LONRF3: variants seen among roughly 807,000 people sequenced by gnomAD.
LONRF3 encodes LON peptidase N-terminal domain and ring finger 3, also known as LON peptidase N-terminal domain and RING finger protein 3.
A neutral mutation model predicts 51.7 loss-of-function variants in LONRF3; 19 were observed. The observed-to-expected ratio is 0.37, with a 90% CI of 0.26 to 0.54. LONRF3 has a LOEUF of 0.54. Among genes scored for constraint, LONRF3 ranks in the 20% least tolerant of loss-of-function variants. LONRF3 has a pLI of 0.86. For synonymous variants in LONRF3, 265 were observed against 257.8 expected (o/e 1.03, Z -0.27); for missense variants, 521 against 623.9 (o/e 0.84, Z 1.76).
intron 7 of LONRF3, 62 bp downstream of exon 7, chrX:119,009,309 C>T: frequency 9.5e-7 from 1 of 1,056,409 alleles, no homozygotes; most frequent in Non-Finnish European, 1.3e-6. Flanking sequence ...GCTGAATGTG[C>T]ACATTACTTC....
At chrX:118,998,319 G>A (rs1236812118) in intron 5 of LONRF3, among the ~76,000 whole-genome samples, 2 of 112,272 alleles carry the variant, frequency 1.8e-5, no homozygotes, top group Non-Finnish European at 3.8e-5. Context: ...GCAGTGACCT[G>A]GATGAGATTG....
At position 119,000,930 on chromosome X, in the gene LONRF3, C is replaced by G. The variant is rs1924274311; in HGVS notation, c.1416-5191C>G. Among the ~76,000 whole-genome samples, 4 of 108,704 alleles carry G rather than the reference C, an allele frequency of 3.7e-5. No individual in the cohort carries two copies. In the Admixed American group the frequency reaches 4.0e-4, roughly 11 times the overall value. The allele number at this position is 108,704 out of a possible 115,157, so 94.4% of individuals were successfully genotyped here. The stretch of plus-strand genomic sequence containing the variant: ...CTCTCCTCCTCCTTTCCTCTTTGCT[C>G]TCATTTGATAGCAAAAGAAAACAAT... On this transcript the variant is annotated intron_variant, in intron 5 of 10. Coordinates refer to ENST00000371628, the MANE Select transcript of LONRF3 (RefSeq NM_001031855.3).
At position 118,975,366 on chromosome X, in the gene LONRF3, G is replaced by C. The variant is rs765262000; in HGVS notation, c.586G>C (p.Gly196Arg). 6.6e-6 allele frequency: 8 copies of C among 1,207,799 alleles called. No individual in the cohort carries two copies. The African/African-American group carries it at 1.0e-4, about 16-fold the overall frequency. Residue 196 changes from glycine to arginine, a missense_variant, in exon 1 of 11, where the codon GGG becomes CGG. Transcript: ENST00000371628. ...CGCCGACCGGCGCTGTGCGCTGTGC[G>C]GGGTCAAGCTCTCCGCCTTGATGGT... Reference protein sequence around the residue: ...RAADRRCALCGVKLSALMVAT... With the variant: ...RAADRRCALCRVKLSALMVAT...
chrX:119,008,108 C>T (rs1158246614), intron 6 of LONRF3, among the ~76,000 whole-genome samples: 1 of 111,638 alleles, frequency 9.0e-6, no homozygotes, highest in Non-Finnish European at 1.9e-5. Context: ...GATAAGGCAT[C>T]CTGGAGACAG....
In LONRF3 at chrX:118,987,057, C is replaced by T. The variant is rs1012606180; in HGVS notation, c.1060-2351C>T. 6.1e-6 allele frequency: 7 copies of T among 1,151,385 alleles called. No individual in the cohort carries two copies. In the African/African-American group the frequency reaches 1.3e-4, roughly 21 times the overall value. 94.9% of individuals were successfully genotyped at this position (1,151,385 alleles called of 1,213,427 possible). On this transcript the variant is annotated intron_variant, in intron 3 of 10. Transcript: ENST00000371628. ...GTCAATGACTACTGAAGTTACCAGC[C>T]ATAATCTACCAAGGTTGTTACAGGT...
At chrX:119,004,889 ATTG>A (rs1924601093) in intron 5 of LONRF3, among the ~76,000 whole-genome samples, 1 of 112,612 alleles carries the variant, frequency 8.9e-6, no homozygotes, top group Non-Finnish European at 1.9e-5. Flanking sequence ...GTTGAGAATT[ATTG>A]TTGTAATAGA....
intron 3 of LONRF3, among the ~76,000 whole-genome samples, chrX:118,988,679 C>A (rs757272959): frequency 9.0e-6 from 1 of 111,185 alleles, no homozygotes; most frequent in South Asian, 3.9e-4. Context: ...CCATGTAAAT[C>A]TGCATAAACA....
At position 118,982,962 on chromosome X, in the gene LONRF3, AG is replaced by A. The variant is rs1446094750; in HGVS notation, c.1059+21del. On this transcript the variant is annotated intron_variant, in intron 3 of 10. Coordinates refer to ENST00000371628, the MANE Select transcript of LONRF3 (RefSeq NM_001031855.3). ...CCAAAGAGTGAGTTGAAATGACATC[AG>A]GTCCAGCTGCCTACTGGACCCTCCC... The A allele has an allele frequency of 8.3e-7, 1 of 1,201,522 alleles. No individual in the cohort carries two copies. The highest frequency in any genetic ancestry group is 3.0e-5 in the East Asian group (1 of 33,409).
At chrX:118,978,781 G>A (rs1922285621) in intron 2 of LONRF3, among the ~76,000 whole-genome samples, 1 of 110,852 alleles carries the variant, frequency 9.0e-6, no homozygotes, top group South Asian at 3.8e-4. Flanking sequence ...TTGTGGCCCT[G>A]GGCAAATGAC....
rs781084025 is a variant in LONRF3, at chrX:118,974,794, G to C, written c.14G>C (p.Arg5Pro). The change falls in exon 1 of 11, where the codon CGG (arginine) becomes CCG (proline). Residue 5 changes from arginine to proline, a missense_variant. By Grantham distance (103) the Arg-to-Pro change is moderately radical. Transcript: ENST00000371628. ...GTCCCTCTTCCCATGGAGTCAGTACGGATCGAACAGATGCTGAGCTTGCCC... is the reference window on the plus strand; with the variant it reads ...GTCCCTCTTCCCATGGAGTCAGTACCGATCGAACAGATGCTGAGCTTGCCC... MESV[R>P]IEQMLSLPAE... The C allele has an allele frequency of 8.3e-7, 1 of 1,206,972 alleles. No homozygotes were observed. The highest frequency in any genetic ancestry group is 1.1e-6 in the Non-Finnish European group (1 of 893,671).
Position 118,975,732 on chromosome X carries a change from G to C in LONRF3, c.817+135G>C. ...CGGGGGACCCATGGACTGTGGCGGG[G>C]TGGGGGAGGGGTGATTCTGGGGCTG... On this transcript the variant is annotated intron_variant, in intron 1 of 10. Transcript: ENST00000371628. 1.5e-5 allele frequency: 6 copies of C among 399,155 alleles called. No homozygotes were observed. The South Asian group carries it at 2.5e-4, about 17-fold the overall frequency. The allele number at this position is 399,155 out of a possible 1,213,427, so 32.9% of individuals were successfully genotyped here.
Position 118,978,328 on chromosome X carries a change from C to G in LONRF3, c.818-17C>G. 8.8e-7 allele frequency: 1 copy of G among 1,130,061 alleles called. No homozygotes were observed. The highest frequency in any genetic ancestry group is 1.2e-6 in the Non-Finnish European group (1 of 822,360). 93.1% of individuals were successfully genotyped at this position (1,130,061 alleles called of 1,213,427 possible). On this transcript the variant is annotated splice_polypyrimidine_tract_variant and intron_variant, in intron 1 of 10. Transcript: ENST00000371628. ...CTGGGGGCCATTAATAAAGGTTTTT[C>G]TTTCTTATTTTGACAGCTCCAAATG...
At chrX:119,010,098 A>T (rs755861911) in intron 7 of LONRF3, among the ~76,000 whole-genome samples, 2 of 111,843 alleles carry the variant, frequency 1.8e-5, no homozygotes, top group South Asian at 7.6e-4. Flanking sequence ...TGAAAATCAA[A>T]TGAGTTTGTG....
chrX:119,012,257 G>A (rs751586950), intron 8 of LONRF3, among the ~76,000 whole-genome samples: 1 of 108,775 alleles, frequency 9.2e-6, no homozygotes, highest in African/African-American at 3.3e-5. Flanking sequence ...TCATTATCTA[G>A]TTGCAGCCTT....
At chrX:118,991,396 A>G (rs1923419040) in intron 5 of LONRF3, among the ~76,000 whole-genome samples, 2 of 109,946 alleles carry the variant, frequency 1.8e-5, no homozygotes, top group South Asian at 7.8e-4. Flanking sequence ...ACCACAGACT[A>G]TTCTTGGGAA....
At chrX:119,002,407 C>A (rs1603253798) in intron 5 of LONRF3, among the ~76,000 whole-genome samples, 1 of 112,292 alleles carries the variant, frequency 8.9e-6, no homozygotes, top group East Asian at 2.8e-4. Context: ...AATCTGGCTT[C>A]TTTTACTCAG....
intron 8 of LONRF3, 135 bp downstream of exon 8, chrX:119,012,108 A>T: frequency 1.7e-6 from 1 of 599,446 alleles, no homozygotes; most frequent in South Asian, 3.5e-5. Flanking sequence ...ATTTGTAAGG[A>T]TCATTGTCCC....
At chrX:118,984,305 A>T (rs1922795264) in intron 3 of LONRF3, among the ~76,000 whole-genome samples, 1 of 112,286 alleles carries the variant, frequency 8.9e-6, no homozygotes, top group Admixed American at 9.4e-5. Flanking sequence ...TCCCATGAGG[A>T]CATGGCCACA....
chrX:118,992,966 G>C (rs1432103849), intron 5 of LONRF3, among the ~76,000 whole-genome samples: 1 of 111,577 alleles, frequency 9.0e-6, no homozygotes, highest in Non-Finnish European at 1.9e-5. Context: ...CATAGGAAAA[G>C]GGGGAGAGTA....
Sources: gnomAD v4.1 joint callset for allele counts (sites outside exome capture counted in the v4.1 genomes callset) on GRCh38, gnomAD v4.1.1 for gene constraint, MANE v1.5 for transcripts, NCBI Gene and HGNC (gene_info 2026-07-23, HGNC 2026-07-21) for gene names.